The following CCSER1 variants were observed in gnomAD, a reference collection of about 807,000 sequenced individuals.
The protein encoded by CCSER1 is serine-rich coiled-coil domain-containing protein 1.
A neutral mutation model predicts 82.0 loss-of-function variants in CCSER1; 41 were observed. The observed-to-expected ratio is 0.50, with a 90% CI of 0.39 to 0.65. CCSER1 has a LOEUF of 0.65. Among genes scored for constraint, CCSER1 ranks in the 30% least tolerant of loss-of-function variants. CCSER1 has a pLI of 0.00. For missense variants in CCSER1, 1,119 were observed against 1,064.2 expected (o/e 1.05, Z -0.72); for synonymous variants, 414 against 383.9 (o/e 1.08, Z -0.92).
chr4:91,033,641 C>T (rs963724452), intron 9 of CCSER1, among the ~76,000 whole-genome samples: 3 of 152,134 alleles, frequency 2.0e-5, no homozygotes, highest in African/African-American at 7.2e-5. Context: ...GTCATTTCTA[C>T]TCTGTGCCAC....
At chr4:91,295,990 G>A (rs927578488) in intron 10 of CCSER1, among the ~76,000 whole-genome samples, 21 of 151,724 alleles carry the variant, frequency 1.4e-4, no homozygotes, top group African/African-American at 3.4e-4. Context: ...TAAGTATAGC[G>A]GTCTATCAAA....
At chr4:90,296,300 A>G (rs1731898465) in intron 1 of CCSER1, among the ~76,000 whole-genome samples, 1 of 151,716 alleles carries the variant, frequency 6.6e-6, no homozygotes, top group African/African-American at 2.4e-5. Flanking sequence ...GGTTTTAAAA[A>G]TGAGAAGTGT....
intron 7 of CCSER1, among the ~76,000 whole-genome samples, chr4:90,800,178 T>C (rs1324586711): frequency 6.6e-6 from 1 of 152,186 alleles, no homozygotes. Flanking sequence ...TTTATTCCTA[T>C]GTAAAACACA....
chr4:91,229,684 A>T (rs1331728593), intron 10 of CCSER1, among the ~76,000 whole-genome samples: 5 of 152,210 alleles, frequency 3.3e-5, no homozygotes, highest in Admixed American at 3.3e-4. Context: ...TTTCCTGTGC[A>T]GGGACATGGA....
chr4:90,519,240 A>G (rs1399616193), intron 5 of CCSER1, among the ~76,000 whole-genome samples: 2 of 151,854 alleles, frequency 1.3e-5, no homozygotes, highest in African/African-American at 4.8e-5. Flanking sequence ...GTTTTTTATT[A>G]AAAAACAGCT....
intron 9 of CCSER1, among the ~76,000 whole-genome samples, chr4:90,984,352 A>G (rs1361076143): frequency 2.6e-5 from 4 of 151,776 alleles, no homozygotes; most frequent in Non-Finnish European, 5.9e-5. Context: ...TGGCTTAAAT[A>G]ACAAATGGTA....
At chr4:91,577,416 C>G (rs1222803160) in intron 10 of CCSER1, among the ~76,000 whole-genome samples, 1 of 151,836 alleles carries the variant, frequency 6.6e-6, no homozygotes, top group Admixed American at 6.6e-5. Context: ...AAAGAGAACT[C>G]CTTGCGGATT....
intron 7 of CCSER1, among the ~76,000 whole-genome samples, chr4:90,737,571 T>G (rs1214405511): frequency 6.6e-6 from 1 of 152,172 alleles, no homozygotes; most frequent in Admixed American, 6.5e-5. Flanking sequence ...TTTAGTTTAA[T>G]TATTAAATGT....
chr4:91,122,877 G>A (rs1355222186), intron 10 of CCSER1, among the ~76,000 whole-genome samples: 1 of 151,730 alleles, frequency 6.6e-6, no homozygotes, highest in East Asian at 1.9e-4. Flanking sequence ...CATCTTGAAG[G>A]AAGACGGTGT....
At chr4:91,065,486 G>T (rs1394402463) in intron 9 of CCSER1, among the ~76,000 whole-genome samples, 1 of 151,778 alleles carries the variant, frequency 6.6e-6, no homozygotes, top group East Asian at 1.9e-4. Flanking sequence ...CATACCAAAG[G>T]GATTTGTTCA....
rs1297800010 is a variant in CCSER1, at chr4:91,296,451, A to T, written c.2217+210457A>T. On this transcript the variant is annotated intron_variant, in intron 10 of 10. Coordinates refer to ENST00000509176, the MANE Select transcript of CCSER1 (RefSeq NM_001145065.2). The stretch of plus-strand genomic sequence containing the variant: ...GGTGTAAACAGAAGTGTCTAACATT[A>T]TATATATATATATATGTATATATAT... Among the ~76,000 whole-genome samples the T allele has an allele frequency of 1.8e-3, 19 of 10,642 alleles. No individual in the cohort carries two copies. The East Asian group carries it at 0.059, about 33-fold the overall frequency. 7.0% of individuals were successfully genotyped at this position (10,642 alleles called of 152,430 possible).
At chr4:90,225,195 T>C (rs1441002430) in intron 1 of CCSER1, among the ~76,000 whole-genome samples, 1 of 151,440 alleles carries the variant, frequency 6.6e-6, no homozygotes, top group Non-Finnish European at 1.5e-5. Context: ...CTCCTGAGTA[T>C]TTGGGACCAC....
chr4:90,901,105 C>A (rs925078141), intron 8 of CCSER1, among the ~76,000 whole-genome samples: 2 of 151,930 alleles, frequency 1.3e-5, no homozygotes, highest in African/African-American at 4.8e-5. Flanking sequence ...ACTAAAATAG[C>A]AACCCCTGCT....
At chr4:91,331,351 C>T (rs533879133) in intron 10 of CCSER1, among the ~76,000 whole-genome samples, 6 of 152,160 alleles carry the variant, frequency 3.9e-5, no homozygotes, top group African/African-American at 1.4e-4. Flanking sequence ...CTGACCGTCC[C>T]ATTGTAATTC....
chr4:90,791,771 G>T (rs1291534448), intron 7 of CCSER1, among the ~76,000 whole-genome samples: 1 of 150,464 alleles, frequency 6.6e-6, no homozygotes, highest in Non-Finnish European at 1.5e-5. Context: ...GTAGTGAGCC[G>T]AGATCGCGCC....
intron 1 of CCSER1, chr4:90,235,040 G>C (rs1402589925): frequency 1.3e-5 from 2 of 152,002 alleles, no homozygotes; most frequent in African/African-American, 4.8e-5. Context: ...TGTTACCATC[G>C]AGACCGGGGC....
At chr4:91,230,409 T>C (rs2149114256) in intron 10 of CCSER1, among the ~76,000 whole-genome samples, 1 of 152,228 alleles carries the variant, frequency 6.6e-6, no homozygotes, top group Non-Finnish European at 1.5e-5. Flanking sequence ...TTGATTGAGT[T>C]TGCTTATAGA....
At position 90,172,706 on chromosome 4, in the gene CCSER1, A is replaced by G. The variant is rs183181327; in HGVS notation, c.-42+44875A>G. The stretch of plus-strand genomic sequence containing the variant: ...AGCTCTAGATCCTGTACTCTTAACC[A>G]CTATACTATCCATTCCTCTGGGAAA... On this transcript the variant is annotated intron_variant, in intron 1 of 10. Transcript: ENST00000509176. Among the ~76,000 whole-genome samples, 219 of 151,908 alleles carry G rather than the reference A, an allele frequency of 1.4e-3. 1 individual carries two copies. Among genetic ancestry groups the G allele is most frequent in the Admixed American group, 3.6e-3 (55 of 15,200 alleles).
At chr4:90,822,058 A>C (rs983663981) in intron 8 of CCSER1, among the ~76,000 whole-genome samples, 1 of 152,168 alleles carries the variant, frequency 6.6e-6, no homozygotes, top group African/African-American at 2.4e-5. Flanking sequence ...AAGAAAGTAT[A>C]TTTGGTATTT....
Sources: allele counts gnomAD v4.1 joint callset (sites outside exome capture counted in the v4.1 genomes callset), GRCh38; gene constraint gnomAD v4.1.1; transcripts MANE v1.5; gene names NCBI Gene and HGNC (gene_info 2026-07-23, HGNC 2026-07-21).